ZNF385D: variants seen among roughly 807,000 people sequenced by gnomAD.
The protein encoded by ZNF385D is zinc finger protein 385D.
In ZNF385D, 15 loss-of-function variants were observed where a neutral mutation model predicts 35.8. The observed-to-expected ratio is 0.42, with a 90% CI of 0.28 to 0.64. The LOEUF (loss-of-function observed/expected upper bound fraction) is 0.64, where lower values mean the gene tolerates loss of function less well. Among genes scored for constraint, ZNF385D ranks in the 30% least tolerant of loss-of-function variants. ZNF385D has a pLI of 0.23. For synonymous variants in ZNF385D, 212 were observed against 186.8 expected, an observed-to-expected ratio of 1.13 and a Z score of -1.10; for missense variants, 474 against 494.6, an observed-to-expected ratio of 0.96 and a Z score of 0.39.
intron 1 of ZNF385D, among the ~76,000 whole-genome samples, chr3:21,740,271 C>T (rs913527140): frequency 3.3e-5 from 5 of 152,154 alleles, no homozygotes; most frequent in Admixed American, 1.3e-4. Flanking sequence ...TAACTGGCCT[C>T]TACAGCATAA....
At chr3:21,439,551 C>T (rs886519992) in intron 4 of ZNF385D, among the ~76,000 whole-genome samples, 2 of 152,006 alleles carry the variant, frequency 1.3e-5, no homozygotes, top group African/African-American at 4.8e-5. Context: ...TAATACCCTG[C>T]TCTAACAACT....
At chr3:21,424,111 A>G (rs571927653) in intron 6 of ZNF385D, 47 bp from the exon 7 acceptor site, 32 of 1,492,370 alleles carry the variant, frequency 2.1e-5, no homozygotes, top group Non-Finnish European at 2.8e-5. Context: ...ATCATCTGCA[A>G]AAACCTCTCA....
chr3:21,742,259 G>C (rs928488770), intron 1 of ZNF385D, among the ~76,000 whole-genome samples: 1 of 152,204 alleles, frequency 6.6e-6, no homozygotes, highest in Non-Finnish European at 1.5e-5. Context: ...CTACCAGAAA[G>C]TGACAAAGTA....
At chr3:22,040,662 T>C (rs981115744) in intron 3 of ZNF385D, among the ~76,000 whole-genome samples, 3 of 152,184 alleles carry the variant, frequency 2.0e-5, no homozygotes, top group Admixed American at 2.0e-4. Flanking sequence ...GAACAAGGTC[T>C]TAGACTTCAG....
intron 4 of ZNF385D, among the ~76,000 whole-genome samples, chr3:21,509,460 G>A (rs569681337): frequency 5.9e-5 from 9 of 152,182 alleles, no homozygotes; most frequent in Admixed American, 3.9e-4. Flanking sequence ...GGTAGTCTTC[G>A]ATTATTAGAG....
At chr3:21,451,984 ATTATATATTTTTTATTTCT>A (rs1346781628) in intron 4 of ZNF385D, among the ~76,000 whole-genome samples, 2 of 152,044 alleles carry the variant, frequency 1.3e-5, no homozygotes, top group African/African-American at 4.8e-5. Context: ...CATTGCAGCA[ATTATATATTTTTTATTTCT>A]GCACAAATAT....
At chr3:21,843,176 G>C (rs1695785429) in intron 3 of ZNF385D, among the ~76,000 whole-genome samples, 1 of 151,966 alleles carries the variant, frequency 6.6e-6, no homozygotes, top group Admixed American at 6.6e-5. Flanking sequence ...ATCATTGTGT[G>C]GGGCTCTCTG....
At chr3:21,747,164 G>C (rs993313329) in intron 1 of ZNF385D, among the ~76,000 whole-genome samples, 8 of 151,716 alleles carry the variant, frequency 5.3e-5, no homozygotes, top group Non-Finnish European at 1.0e-4. Context: ...TTAATGAAGA[G>C]AGTTGATCCA....
intron 3 of ZNF385D, among the ~76,000 whole-genome samples, chr3:21,518,762 A>T (rs1707734288): frequency 6.6e-6 from 1 of 152,180 alleles, no homozygotes; most frequent in Non-Finnish European, 1.5e-5. Flanking sequence ...TTAACAAAAC[A>T]TTTGAAGAAG....
chr3:21,553,079 A>G (rs897720552), intron 3 of ZNF385D, among the ~76,000 whole-genome samples: 1 of 152,074 alleles, frequency 6.6e-6, no homozygotes, highest in Admixed American at 6.6e-5. Context: ...AAGTCAAGGA[A>G]TGCAGGCAAC....
intron 3 of ZNF385D, among the ~76,000 whole-genome samples, chr3:21,926,056 G>A (rs1056341384): frequency 3.3e-5 from 5 of 152,116 alleles, no homozygotes; most frequent in Admixed American, 2.6e-4. Context: ...TAGCCACTCT[G>A]AAAACTTTTG....
At chr3:21,772,508 C>G (rs1344561571) in intron 3 of ZNF385D, among the ~76,000 whole-genome samples, 1 of 151,522 alleles carries the variant, frequency 6.6e-6, no homozygotes, top group African/African-American at 2.4e-5. Context: ...AAATGCACAT[C>G]AAAACAAAAT....
At chr3:21,800,319 T>C (rs1406324355) in intron 3 of ZNF385D, among the ~76,000 whole-genome samples, 1 of 152,220 alleles carries the variant, frequency 6.6e-6, no homozygotes, top group Non-Finnish European at 1.5e-5. Flanking sequence ...ATTGAATCTT[T>C]AGATTGCCTT....
intron 2 of ZNF385D, among the ~76,000 whole-genome samples, chr3:22,330,859 A>G (rs1694899863): frequency 6.6e-6 from 1 of 152,228 alleles, no homozygotes; most frequent in Admixed American, 6.5e-5. Flanking sequence ...TGCAGGTTCC[A>G]AAATCTAGGC....
At chr3:22,129,075 T>C (rs570396781) in intron 3 of ZNF385D, among the ~76,000 whole-genome samples, 35 of 152,308 alleles carry the variant, frequency 2.3e-4, no homozygotes, top group African/African-American at 6.7e-4. Flanking sequence ...TCTAAGACTC[T>C]TGCAGACTTG....
intron 3 of ZNF385D, among the ~76,000 whole-genome samples, chr3:21,803,594 G>T (rs545606677): frequency 1.3e-5 from 2 of 152,000 alleles, no homozygotes; most frequent in Non-Finnish European, 2.9e-5. Context: ...ATGAAAACTG[G>T]ATGAAATATC....
intron 2 of ZNF385D, among the ~76,000 whole-genome samples, chr3:21,600,384 G>A (rs2064249268): frequency 1.3e-5 from 2 of 152,004 alleles, no homozygotes; most frequent in South Asian, 4.1e-4. Flanking sequence ...TAGTTTTATT[G>A]AACAGCATTG....
chr3:22,213,103 G>C (rs774445663), intron 2 of ZNF385D, among the ~76,000 whole-genome samples: 1 of 151,892 alleles, frequency 6.6e-6, no homozygotes, highest in Non-Finnish European at 1.5e-5. Flanking sequence ...ATATTAAAAG[G>C]ACATTTTTTC....
chr3:22,046,911 A>G (rs945794180), intron 3 of ZNF385D, among the ~76,000 whole-genome samples: 6 of 152,160 alleles, frequency 3.9e-5, no homozygotes, highest in African/African-American at 1.2e-4. Context: ...ACTTTATACT[A>G]TACTATATAA....
Sources: allele counts gnomAD v4.1 joint callset (sites outside exome capture counted in the v4.1 genomes callset), GRCh38; gene constraint gnomAD v4.1.1; transcripts MANE v1.5; gene names NCBI Gene and HGNC (gene_info 2026-07-23, HGNC 2026-07-21).